The following SLC1A2 variants were observed in gnomAD, a reference collection of about 807,000 sequenced individuals.
SLC1A2 encodes solute carrier family 1 member 2.
In SLC1A2, 15 loss-of-function variants were observed where a neutral mutation model predicts 48.8. The ratio of observed to expected loss-of-function variants is 0.31; its 90% confidence interval spans 0.21 to 0.47. The LOEUF (loss-of-function observed/expected upper bound fraction) is 0.47, where lower values mean the gene tolerates loss of function less well. SLC1A2 is among the 20% of genes least tolerant of loss of function. The pLI, the probability that SLC1A2 is intolerant of heterozygous loss-of-function variation, is 0.99. For missense variants in SLC1A2, 502 were observed against 730.5 expected, an observed-to-expected ratio of 0.69 and a Z score of 3.61; for synonymous variants, 279 against 272.6, an observed-to-expected ratio of 1.02 and a Z score of -0.23.
intron 1 of SLC1A2, among the ~76,000 whole-genome samples, chr11:35,382,951 G>A (rs112114236): frequency 4.0e-4 from 61 of 152,180 alleles, no homozygotes; most frequent in African/African-American, 1.3e-3. Flanking sequence ...TTTCCTACCT[G>A]CACGCTCCAA....
chr11:35,312,523 C>T (rs879489156), intron 3 of SLC1A2, 75 bp from the exon 4 acceptor site: 21 of 1,492,192 alleles, frequency 1.4e-5, no homozygotes, highest in Middle Eastern at 2.0e-4. Flanking sequence ...ATTTCTATGA[C>T]GTTAGCTTCA....
At chr11:35,340,951 C>A (rs1308127911) in intron 1 of SLC1A2, among the ~76,000 whole-genome samples, 2 of 152,172 alleles carry the variant, frequency 1.3e-5, no homozygotes, top group African/African-American at 4.8e-5. Flanking sequence ...GAGAAATTGA[C>A]AAACAAAGCA....
chr11:35,322,991 T>G (rs1056563976), intron 1 of SLC1A2: 3 of 561,070 alleles, frequency 5.3e-6, no homozygotes, highest in South Asian at 4.2e-5. Context: ...AACCAAGATG[T>G]CAGTCTCTCT....
intron 1 of SLC1A2, among the ~76,000 whole-genome samples, chr11:35,378,753 T>C (rs1353847377): frequency 1.3e-5 from 2 of 152,158 alleles, no homozygotes; most frequent in African/African-American, 4.8e-5. Flanking sequence ...ATATAACCCG[T>C]GGTTCTCTTC....
intron 4 of SLC1A2, 132 bp downstream of exon 4, chr11:35,312,066 C>T (rs1851724691): frequency 1.1e-6 from 1 of 913,072 alleles, no homozygotes; most frequent in Non-Finnish European, 1.7e-6. Flanking sequence ...TCATAGAATC[C>T]CTGGGCCTAG....
chr11:35,339,152 C>T lies in SLC1A2; in HGVS notation c.18-21636G>A, dbSNP rs1373463053. Among the ~76,000 whole-genome samples, 3 of 152,328 alleles carry T rather than the reference C, an allele frequency of 2.0e-5. No homozygotes were observed. The South Asian group carries it at 6.2e-4, about 32-fold the overall frequency. ...GAGTGATGTCATAGCCATTTGTCAG[C>T]TCTTCATTCTTGCCATTTAACTGGG... On this transcript the variant is annotated intron_variant, in intron 1 of 10. Coordinates refer to ENST00000278379, the MANE Select transcript of SLC1A2 (RefSeq NM_004171.4).
chr11:35,343,231 G>A (rs1055123512), intron 1 of SLC1A2, among the ~76,000 whole-genome samples: 1 of 152,244 alleles, frequency 6.6e-6, no homozygotes, highest in Non-Finnish European at 1.5e-5. Context: ...CTGAAAAACA[G>A]GATGTGGGAC....
At chr11:35,395,885 T>C (rs1854942474) in intron 1 of SLC1A2, among the ~76,000 whole-genome samples, 3 of 135,658 alleles carry the variant, frequency 2.2e-5, no homozygotes, top group Admixed American at 7.9e-5. Context: ...GTCCATGTGA[T>C]CTCATTGTTC....
chr11:35,343,308 A>G (rs1004957809), intron 1 of SLC1A2, among the ~76,000 whole-genome samples: 68 of 152,244 alleles, frequency 4.5e-4, no homozygotes, highest in South Asian at 1.0e-3. Flanking sequence ...CTAGGACCTC[A>G]TTATACACTC....
At chr11:35,362,596 A>C (rs796257196) in intron 1 of SLC1A2, among the ~76,000 whole-genome samples, 86 of 152,354 alleles carry the variant, frequency 5.6e-4, no homozygotes, top group African/African-American at 1.9e-3. Context: ...CCATCAATAC[A>C]TGTGAAAGTG....
chr11:35,405,055 C>CAGGACTCGCACTGTG (rs142599359), intron 1 of SLC1A2, among the ~76,000 whole-genome samples: 86,970 of 151,116 alleles, frequency 0.58, 25,433 homozygotes, highest in Middle Eastern at 0.69. Context: ...CATCCAATCA[C>CAGGACTCGCACTGTG]AGGACTCGCA....
In SLC1A2 at chr11:35,277,816, A is replaced by C. The variant is rs1020411410; in HGVS notation, c.1421+3051T>G. 4.6e-5 allele frequency among the ~76,000 whole-genome samples: 7 copies of C among 152,236 alleles called. No individual in the cohort carries two copies. In the East Asian group the frequency reaches 5.8e-4, roughly 13 times the overall value. On this transcript the variant is annotated intron_variant, in intron 9 of 10. Transcript: ENST00000278379. ...TTATCACACAGCAACTATGTGGTTA[A>C]GAGTAGCTCACATTTATTGAGCTGC... is the stretch of plus-strand genomic sequence containing the variant.
intron 2 of SLC1A2, chr11:35,317,006 G>C (rs1036608507): frequency 2.7e-5 from 5 of 185,878 alleles, no homozygotes; most frequent in African/African-American, 4.6e-5. Context: ...TCTTGATGCA[G>C]GCGGTTCTCT....
intron 1 of SLC1A2, among the ~76,000 whole-genome samples, chr11:35,363,270 C>T (rs1164184012): frequency 6.6e-6 from 1 of 152,134 alleles, no homozygotes; most frequent in Non-Finnish European, 1.5e-5. Flanking sequence ...GTATTCTGCC[C>T]CAGATGACAA....
At chr11:35,402,836 T>C (rs1335755157) in intron 1 of SLC1A2, among the ~76,000 whole-genome samples, 7 of 152,204 alleles carry the variant, frequency 4.6e-5, no homozygotes, top group African/African-American at 1.7e-4. Context: ...AAAACAGTTA[T>C]GGATTAAAAG....
intron 6 of SLC1A2, among the ~76,000 whole-genome samples, chr11:35,301,239 C>T (rs1320270054): frequency 6.6e-6 from 1 of 152,114 alleles, no homozygotes; most frequent in Non-Finnish European, 1.5e-5. Flanking sequence ...GTTATGGCAA[C>T]CCAACTAAGA....
At chr11:35,261,861 T>C (rs186794525) in intron 10 of SLC1A2, 186 of 397,004 alleles carry the variant, frequency 4.7e-4, no homozygotes, top group African/African-American at 3.4e-3. Context: ...ACATACAACA[T>C]GCTAGGAACA....
At chr11:35,410,971 G>A (rs1413954914) in intron 1 of SLC1A2, among the ~76,000 whole-genome samples, 1 of 152,186 alleles carries the variant, frequency 6.6e-6, no homozygotes, top group Non-Finnish European at 1.5e-5. Context: ...CAACCCCAGT[G>A]TATCAATACC....
chr11:35,344,503 T>A (rs1210727683), intron 1 of SLC1A2, among the ~76,000 whole-genome samples: 1 of 152,172 alleles, frequency 6.6e-6, no homozygotes, highest in Non-Finnish European at 1.5e-5. Context: ...CTTGATGGGA[T>A]TATGGAACTC....
Sources: allele counts gnomAD v4.1 joint callset (sites outside exome capture counted in the v4.1 genomes callset), GRCh38; gene constraint gnomAD v4.1.1; transcripts MANE v1.5; gene names NCBI Gene and HGNC (gene_info 2026-07-23, HGNC 2026-07-21).